Variants in UBE2G1 observed in about 807,000 individuals in gnomAD.
UBE2G1 encodes the protein ubiquitin conjugating enzyme E2 G1, also known as ubiquitin-conjugating enzyme E2 G1.
UBE2G1 carries 5 observed loss-of-function variants against 22.7 expected under a neutral mutation model. The observed-to-expected ratio is 0.22, with a 90% CI of 0.12 to 0.46. The LOEUF is 0.46. Among genes scored for constraint, UBE2G1 ranks in the 20% least tolerant of loss-of-function variants. The pLI is 0.99. For synonymous variants in UBE2G1, 74 were observed against 67.5 expected, an observed-to-expected ratio of 1.10 and a Z score of -0.47; for missense variants, 88 against 203.9, an observed-to-expected ratio of 0.43 and a Z score of 3.46.
At chr17:4,326,687 G>C (rs1969506916) in intron 1 of UBE2G1, among the ~76,000 whole-genome samples, 1 of 152,126 alleles carries the variant, frequency 6.6e-6, no homozygotes, top group Non-Finnish European at 1.5e-5. Flanking sequence ...CAACCCAATT[G>C]TCAACCAACA....
chr17:4,301,732 G>T, intron 2 of UBE2G1: 1 of 657,200 alleles, frequency 1.5e-6, no homozygotes, highest in South Asian at 1.4e-5. Flanking sequence ...TGTTTGGATT[G>T]GTGGGGAGTG....
rs1230195615 is a variant in UBE2G1 at position 4,269,936 on chromosome 17, T to G, written c.*2618A>C. ...CGTTCAGTGTCACCTGAATGTGGGT[T>G]TCGTATCAAATGTAGAGGCATTTAA... is the stretch of plus-strand genomic sequence containing the variant. On this transcript the variant is annotated 3_prime_UTR_variant, in exon 6 of 6. Coordinates refer to ENST00000396981, the MANE Select transcript of UBE2G1 (RefSeq NM_003342.5). The G allele has an allele frequency of 6.5e-6, 1 of 152,872 alleles. No individual in the cohort carries two copies. The highest frequency in any genetic ancestry group is 1.5e-5 in the Non-Finnish European group (1 of 68,146). The allele number at this position is 152,872 out of a possible 1,614,324, so 9.5% of individuals were successfully genotyped here. A position where few individuals can be genotyped will look rare whatever the true frequency, so the allele number is the denominator to read the frequency against.
intron 1 of UBE2G1, among the ~76,000 whole-genome samples, chr17:4,312,500 T>A (rs1969321402): frequency 6.6e-6 from 1 of 151,562 alleles, no homozygotes; most frequent in South Asian, 2.1e-4. Flanking sequence ...ATCGAGACCA[T>A]CCTGGCTAAC....
intron 1 of UBE2G1, among the ~76,000 whole-genome samples, chr17:4,324,776 C>CT (rs1188761411): frequency 6.6e-6 from 1 of 152,002 alleles, no homozygotes; most frequent in Non-Finnish European, 1.5e-5. Context: ...ATAGGATACT[C>CT]TATTTAACAA....
chr17:4,317,206 C>T (rs1567522180), intron 1 of UBE2G1, among the ~76,000 whole-genome samples: 1 of 152,112 alleles, frequency 6.6e-6, no homozygotes, highest in Non-Finnish European at 1.5e-5. Context: ...AAAAATTAGC[C>T]AGGCGTGGTA....
chr17:4,295,269 T>C (rs919676613), intron 3 of UBE2G1, among the ~76,000 whole-genome samples: 2 of 152,236 alleles, frequency 1.3e-5, no homozygotes, highest in African/African-American at 2.4e-5. Context: ...ATACGGTTAA[T>C]GCATTCTGCC....
intron 1 of UBE2G1, among the ~76,000 whole-genome samples, chr17:4,326,786 A>G (rs1969507554): frequency 6.6e-6 from 1 of 152,256 alleles, no homozygotes; most frequent in Admixed American, 6.5e-5. Flanking sequence ...TACATTCTAC[A>G]ACATGAATGA....
At chr17:4,350,807 C>G (rs1969836187) in intron 1 of UBE2G1, among the ~76,000 whole-genome samples, 2 of 151,748 alleles carry the variant, frequency 1.3e-5, no homozygotes, top group South Asian at 4.2e-4. Flanking sequence ...CCGAGGAGGG[C>G]AGATCACGAG....
chr17:4,297,449 G>A (rs915497070), intron 2 of UBE2G1, among the ~76,000 whole-genome samples: 1 of 152,094 alleles, frequency 6.6e-6, no homozygotes, highest in African/African-American at 2.4e-5. Context: ...GTCCAATAAT[G>A]TAGCCACCAA....
intron 1 of UBE2G1, among the ~76,000 whole-genome samples, chr17:4,362,761 AG>A (rs1408815812): frequency 6.6e-6 from 1 of 151,838 alleles, no homozygotes; most frequent in Non-Finnish European, 1.5e-5. Flanking sequence ...TGGGGGCCGC[AG>A]GGGGCAGCAG....
chr17:4,278,872 A>G (rs2143675366), intron 5 of UBE2G1, among the ~76,000 whole-genome samples: 1 of 152,354 alleles, frequency 6.6e-6, no homozygotes, highest in East Asian at 1.9e-4. Flanking sequence ...AAAACAGGAT[A>G]AATGGTGGAC....
intron 2 of UBE2G1, among the ~76,000 whole-genome samples, chr17:4,299,989 G>A (rs12709337): frequency 0.32 from 48,856 of 151,192 alleles, 8,016 homozygotes; most frequent in Middle Eastern, 0.39. Flanking sequence ...ACCACGTCCC[G>A]CTAATTTTTG....
chr17:4,350,775 G>A (rs1443763415), intron 1 of UBE2G1, among the ~76,000 whole-genome samples: 1 of 152,054 alleles, frequency 6.6e-6, no homozygotes, highest in African/African-American at 2.4e-5. Context: ...GCTCACGTCT[G>A]TAATCCCAGC....
chr17:4,323,064 A>G (rs1969461475), intron 1 of UBE2G1, among the ~76,000 whole-genome samples: 1 of 152,264 alleles, frequency 6.6e-6, no homozygotes, highest in African/African-American at 2.4e-5. Flanking sequence ...TGATAGCGAG[A>G]CTGCAACAAA....
At position 4,313,476 on chromosome 17, in the gene UBE2G1, T is replaced by G. The variant is rs62064450; in HGVS notation, c.47-6353A>C. 1.8e-3 allele frequency among the ~76,000 whole-genome samples: 277 copies of G among 152,342 alleles called. 1 individual carries two copies. The highest frequency in any genetic ancestry group is 2.9e-3 in the Non-Finnish European group (197 of 68,030). Reference sequence around the variant, plus strand: ...CCAAAGATGAAGATAACATCTTTTCTGAATGCTATCTAGAGATAAAATTAA... The same window carrying G: ...CCAAAGATGAAGATAACATCTTTTCGGAATGCTATCTAGAGATAAAATTAA... On this transcript the variant is annotated intron_variant, in intron 1 of 5. Transcript: ENST00000396981.
At chr17:4,333,036 T>TA (rs1490098307) in intron 1 of UBE2G1, among the ~76,000 whole-genome samples, 3 of 152,214 alleles carry the variant, frequency 2.0e-5, no homozygotes, top group Non-Finnish European at 2.9e-5. Context: ...TCTCTGGCAG[T>TA]AAATATTTGC....
chr17:4,302,789 GAAAA>G (rs1206271337), intron 2 of UBE2G1: 1 of 177,924 alleles, frequency 5.6e-6, no homozygotes, highest in Non-Finnish European at 1.2e-5. Flanking sequence ...TTAGTCATGA[GAAAA>G]AAAATAATGG....
intron 1 of UBE2G1, among the ~76,000 whole-genome samples, chr17:4,313,319 G>A (rs1353040721): frequency 6.6e-6 from 1 of 152,154 alleles, no homozygotes; most frequent in African/African-American, 2.4e-5. Context: ...AAGAATATTT[G>A]CAAAATAGGG....
intron 5 of UBE2G1, among the ~76,000 whole-genome samples, chr17:4,274,050 G>A (rs1032115249): frequency 4.0e-5 from 6 of 151,310 alleles, no homozygotes; most frequent in Admixed American, 1.3e-4. Flanking sequence ...GCGCGATCTC[G>A]GCTCACTGCA....
Sources: gnomAD v4.1 joint callset for allele counts (sites outside exome capture counted in the v4.1 genomes callset) on GRCh38, gnomAD v4.1.1 for gene constraint, MANE v1.5 for transcripts, NCBI Gene and HGNC (gene_info 2026-07-23, HGNC 2026-07-21) for gene names.